KCNH8: variants seen among roughly 807,000 people sequenced by gnomAD.
KCNH8 encodes voltage-gated delayed rectifier potassium channel KCNH8.
In KCNH8, 70 loss-of-function variants were observed where a neutral mutation model predicts 103.6. That is an observed-to-expected ratio of 0.68 (90% confidence interval 0.56 to 0.82). KCNH8 has a LOEUF of 0.82. Ranked by LOEUF, KCNH8 falls within the 40% of genes least tolerant of loss-of-function variation. The pLI is 0.00. For missense variants in KCNH8, 1,217 were observed against 1,329.9 expected (o/e 0.92, Z 1.32); for synonymous variants, 498 against 489.4 (o/e 1.02, Z -0.23).
intron 7 of KCNH8, among the ~76,000 whole-genome samples, chr3:19,407,546 C>G (rs1025641710): frequency 7.2e-5 from 11 of 151,896 alleles, no homozygotes; most frequent in African/African-American, 2.4e-4. Flanking sequence ...GTGATCCTTT[C>G]TTCTCCATGG....
intron 10 of KCNH8, among the ~76,000 whole-genome samples, chr3:19,454,509 A>AT (rs914562909): frequency 1.3e-5 from 2 of 151,954 alleles, no homozygotes; most frequent in African/African-American, 4.8e-5. Context: ...CATAATGTGT[A>AT]TTTTTCTATA....
At chr3:19,194,498 T>TATTATAGG (rs2063581973) in intron 1 of KCNH8, among the ~76,000 whole-genome samples, 1 of 151,862 alleles carries the variant, frequency 6.6e-6, no homozygotes, top group African/African-American at 2.4e-5. Flanking sequence ...ATGAAAGAAG[T>TATTATAGG]GCTTATTATG....
chr3:19,182,509 C>T (rs535499526), intron 1 of KCNH8, among the ~76,000 whole-genome samples: 214 of 152,194 alleles, frequency 1.4e-3, no homozygotes, highest in African/African-American at 5.0e-3. Context: ...CCAGCCTGGG[C>T]GACAGAGCGA....
chr3:19,488,611 C>G (rs1034380011), intron 11 of KCNH8, among the ~76,000 whole-genome samples: 1 of 152,140 alleles, frequency 6.6e-6, no homozygotes, highest in African/African-American at 2.4e-5. Context: ...CTTGGATGAC[C>G]TCAGAGACCT....
rs550701464 is a variant in KCNH8 at position 19,190,309 on chromosome 3, C to G, written c.76+41514C>G. ...TCTTCTTGATAACAAATCAGCTTCC[C>G]TTTAGTTCTCTGAGGAGATCCAAGG... On this transcript the variant is annotated intron_variant, in intron 1 of 15. Transcript: ENST00000328405. Among the ~76,000 whole-genome samples the G allele has an allele frequency of 2.6e-5, 4 of 151,928 alleles. No homozygotes were observed. The East Asian group carries it at 7.7e-4, about 29-fold the overall frequency.
chr3:19,330,039 A>G (rs1230042483), intron 3 of KCNH8, among the ~76,000 whole-genome samples: 2 of 151,370 alleles, frequency 1.3e-5, no homozygotes, highest in African/African-American at 4.9e-5. Flanking sequence ...TGAATTCTTT[A>G]GCCTATTATG....
intron 1 of KCNH8, among the ~76,000 whole-genome samples, chr3:19,170,166 A>C (rs2063326994): frequency 6.6e-6 from 1 of 152,158 alleles, no homozygotes; most frequent in Non-Finnish European, 1.5e-5. Context: ...TACACACATG[A>C]ATATTGAGGA....
intron 2 of KCNH8, among the ~76,000 whole-genome samples, chr3:19,271,678 A>G (rs1015008741): frequency 9.2e-5 from 14 of 152,262 alleles, no homozygotes; most frequent in Middle Eastern, 3.4e-3. Flanking sequence ...GCTCTTAACC[A>G]TGAGAATTAG....
chr3:19,171,357 C>T (rs984707740), intron 1 of KCNH8, among the ~76,000 whole-genome samples: 13 of 152,154 alleles, frequency 8.5e-5, no homozygotes, highest in Non-Finnish European at 1.3e-4. Flanking sequence ...TTGGAGAATA[C>T]AGCTTATATT....
At chr3:19,464,198 G>C (rs1352586810) in intron 11 of KCNH8, among the ~76,000 whole-genome samples, 1 of 152,070 alleles carries the variant, frequency 6.6e-6, no homozygotes, top group Non-Finnish European at 1.5e-5. Context: ...ATGCAAGGCT[G>C]TACAATTTCA....
chr3:19,346,664 C>T, intron 4 of KCNH8: 1 of 456,380 alleles, frequency 2.2e-6, no homozygotes, highest in Non-Finnish European at 4.4e-6. Flanking sequence ...ACTTCAGGAT[C>T]CCTGAACACA....
intron 3 of KCNH8, among the ~76,000 whole-genome samples, chr3:19,305,574 C>G (rs1356618137): frequency 1.3e-5 from 2 of 151,986 alleles, no homozygotes; most frequent in Non-Finnish European, 2.9e-5. Context: ...CTTGATGTAT[C>G]AAAACCTATT....
At chr3:19,448,698 C>T (rs2067398704) in intron 8 of KCNH8, among the ~76,000 whole-genome samples, 1 of 151,946 alleles carries the variant, frequency 6.6e-6, no homozygotes, top group African/African-American at 2.4e-5. Context: ...TTCTTGGGCA[C>T]TAAGGTTTTG....
intron 1 of KCNH8, among the ~76,000 whole-genome samples, chr3:19,219,590 C>A (rs2063851666): frequency 6.6e-6 from 1 of 152,210 alleles, no homozygotes. Flanking sequence ...CAAAACATAT[C>A]TGAAACAAGT....
chr3:19,517,907 C>T (rs2068902218), intron 14 of KCNH8, 91 bp from the exon 15 acceptor site: 9 of 1,001,392 alleles, frequency 9.0e-6, no homozygotes, highest in South Asian at 4.1e-5. Flanking sequence ...AAAGTGATAG[C>T]GTGGACTTTC....
chr3:19,473,793 T>C (rs542468277), intron 11 of KCNH8, among the ~76,000 whole-genome samples: 4 of 152,344 alleles, frequency 2.6e-5, no homozygotes, highest in Admixed American at 2.6e-4. Context: ...CATACATTTA[T>C]GTAGAGGGAT....
At chr3:19,429,541 C>T (rs1368630772) in intron 7 of KCNH8, among the ~76,000 whole-genome samples, 4 of 152,150 alleles carry the variant, frequency 2.6e-5, no homozygotes, top group African/African-American at 9.7e-5. Context: ...TTGGACATTT[C>T]CTAGAAACAT....
chr3:19,533,726 AAC>A lies in KCNH8; in HGVS notation c.2952_2953del (p.Glu984AspfsTer8). On this transcript the variant is annotated frameshift_variant, in exon 16 of 16. Transcript: ENST00000328405. LOFTEE classifies it high-confidence loss of function. The stretch of plus-strand genomic sequence containing the variant: ...CATGAGCAAAATCCTGCAGACAGTG[AAC>A]TTTATCATTCTCCAAGCCTTGATTA... 6.2e-7 allele frequency: 1 copy of A among 1,614,168 alleles called. No individual in the cohort carries two copies. The highest frequency in any genetic ancestry group is 1.1e-5 in the South Asian group (1 of 91,088).
chr3:19,394,511 G>A (rs1252072111), intron 6 of KCNH8, among the ~76,000 whole-genome samples: 1 of 151,938 alleles, frequency 6.6e-6, no homozygotes, highest in Middle Eastern at 3.2e-3. Flanking sequence ...GAGAGAGCGA[G>A]CTTCAGGCAA....
Sources: gnomAD v4.1 joint callset for allele counts (sites outside exome capture counted in the v4.1 genomes callset) on GRCh38, gnomAD v4.1.1 for gene constraint, MANE v1.5 for transcripts, NCBI Gene and HGNC (gene_info 2026-07-23, HGNC 2026-07-21) for gene names.